Variants in NFATC2 observed in about 807,000 individuals in gnomAD.
The protein encoded by NFATC2 is nuclear factor of activated T cells 2, also known as nuclear factor of activated T-cells, cytoplasmic 2.
Under a neutral mutation model 87.3 loss-of-function variants are expected in NFATC2, and 22 were observed. That is an observed-to-expected ratio of 0.25 (90% confidence interval 0.18 to 0.36). NFATC2 has a LOEUF of 0.36. Ranked by LOEUF, NFATC2 falls within the 10% of genes least tolerant of loss-of-function variation. NFATC2 has a pLI of 1.00. For missense variants in NFATC2, 1,149 were observed against 1,259.1 expected (o/e 0.91, Z 1.32); for synonymous variants, 565 against 542.2 (o/e 1.04, Z -0.58).
intron 9 of NFATC2, among the ~76,000 whole-genome samples, chr20:51,431,089 T>C (rs904007660): frequency 1.3e-5 from 2 of 152,218 alleles, no homozygotes; most frequent in Non-Finnish European, 2.9e-5. Flanking sequence ...CCATTCTCTA[T>C]ATGTGCTTAT....
At chr20:51,525,896 C>T (rs1191648508) in intron 1 of NFATC2, among the ~76,000 whole-genome samples, 3 of 151,748 alleles carry the variant, frequency 2.0e-5, no homozygotes, top group African/African-American at 7.3e-5. Flanking sequence ...AAGTCACTAA[C>T]GCAGCATGTG....
chr20:51,531,781 C>T (rs1236384346), intron 1 of NFATC2, among the ~76,000 whole-genome samples: 1 of 152,182 alleles, frequency 6.6e-6, no homozygotes, highest in Non-Finnish European at 1.5e-5. Flanking sequence ...ACAATCTTTT[C>T]GGTGACAATT....
rs142679686 is a variant in NFATC2 at position 51,502,852 on chromosome 20, G to C, written c.1332+13932C>G. On this transcript the variant is annotated intron_variant, in intron 3 of 10. Coordinates refer to ENST00000371564, the MANE Select transcript of NFATC2 (RefSeq NM_012340.5). ...CAAATAGGAACATGGGATTCACTTA[G>C]TAGAAACCTCAGTTTCATGGGAAGA... Among the ~76,000 whole-genome samples, 6 of 152,296 alleles carry C rather than the reference G, an allele frequency of 3.9e-5. No homozygotes were observed. In the East Asian group the frequency reaches 9.6e-4, roughly 24 times the overall value.
At chr20:51,419,188 G>A (rs1980514369) in intron 9 of NFATC2, among the ~76,000 whole-genome samples, 2 of 152,114 alleles carry the variant, frequency 1.3e-5, no homozygotes, top group Non-Finnish European at 2.9e-5. Context: ...TTTTGCAGCT[G>A]TTTTCTCATT....
At chr20:51,405,513 T>C (rs1031329173) in intron 9 of NFATC2, among the ~76,000 whole-genome samples, 3 of 152,190 alleles carry the variant, frequency 2.0e-5, no homozygotes, top group African/African-American at 4.8e-5. Context: ...AGGCAAGCTT[T>C]CATAGGCACT....
chr20:51,472,236 G>A (rs1232458442), intron 5 of NFATC2, among the ~76,000 whole-genome samples: 1 of 152,164 alleles, frequency 6.6e-6, no homozygotes, highest in Non-Finnish European at 1.5e-5. Context: ...GCCTGGATCA[G>A]AGAGTGAGAT....
chr20:51,398,795 G>GAAAAAAAAAATCACCTTTGAT, intron 9 of NFATC2, 65 bp from the exon 10 acceptor site: 1 of 1,112,682 alleles, frequency 9.0e-7, no homozygotes, highest in Non-Finnish European at 1.4e-6. Context: ...TCTCTCTTAC[G>GAAAAAAAAAATCACCTTTGAT]CTTCCAACTC....
rs1371374764 is a variant in NFATC2, at chr20:51,432,616, T to C, written c.2173A>G (p.Met725Val). Residue 725 changes from methionine to valine, a missense_variant, in exon 9 of 11, where the codon ATG becomes GTG. Met to Val is a conservative substitution (Grantham distance 21). Transcript: ENST00000371564. This position sits in a 1 kb window ranked among gnomAD's most constrained non-coding sequence, Gnocchi z 4.6. ...AESPSCLVATMAPCQQFRTGL... is the reference protein window; with the variant it reads ...AESPSCLVATVAPCQQFRTGL... ...GTGCGGAACTGCTGGCAGGGAGCCA[T>C]GGTGGCCACGAGGCAGGAGGGGGAC... The C allele has an allele frequency of 6.5e-7, 1 of 1,531,026 alleles. No individual in the cohort carries two copies. The highest frequency in any genetic ancestry group is 2.3e-5 in the East Asian group (1 of 44,022). The allele number at this position is 1,531,026 out of a possible 1,614,324, so 94.8% of individuals were successfully genotyped here. A position where few individuals can be genotyped will look rare whatever the true frequency, so the allele number is the denominator to read the frequency against.
intron 9 of NFATC2, among the ~76,000 whole-genome samples, chr20:51,430,087 G>C (rs1982469000): frequency 6.6e-6 from 1 of 152,150 alleles, no homozygotes; most frequent in Non-Finnish European, 1.5e-5. Context: ...GGGCCACTTG[G>C]ACACGGGTGC....
intron 6 of NFATC2, among the ~76,000 whole-genome samples, chr20:51,453,886 A>G (rs1465473107): frequency 6.6e-6 from 1 of 152,254 alleles, no homozygotes; most frequent in African/African-American, 2.4e-5. Flanking sequence ...ACTATCCAAA[A>G]TTCCACTGCT....
chr20:51,526,019 G>A (rs887821891), intron 1 of NFATC2, among the ~76,000 whole-genome samples: 7 of 150,540 alleles, frequency 4.6e-5, no homozygotes, highest in Admixed American at 2.0e-4. Flanking sequence ...GACGCCTTGG[G>A]TTCCCTCTGC....
At chr20:51,413,952 G>T (rs1314746725) in intron 9 of NFATC2, among the ~76,000 whole-genome samples, 5 of 152,146 alleles carry the variant, frequency 3.3e-5, no homozygotes, top group Admixed American at 6.5e-5. Context: ...AGAATGTCTG[G>T]TAAACAGTAA....
At chr20:51,528,522 A>C (rs960724700) in intron 1 of NFATC2, among the ~76,000 whole-genome samples, 3 of 152,158 alleles carry the variant, frequency 2.0e-5, no homozygotes, top group Admixed American at 1.3e-4. Context: ...ATGTACACAC[A>C]CAGACAGATG....
chr20:51,431,630 C>A (rs1480795683), intron 9 of NFATC2, among the ~76,000 whole-genome samples: 1 of 152,152 alleles, frequency 6.6e-6, no homozygotes, highest in Admixed American at 6.5e-5. Flanking sequence ...CCTCTCCCTC[C>A]CTCAAATATA....
intron 6 of NFATC2, among the ~76,000 whole-genome samples, chr20:51,441,116 C>T (rs933132769): frequency 6.6e-6 from 1 of 151,954 alleles, no homozygotes; most frequent in Non-Finnish European, 1.5e-5. Flanking sequence ...AACCCGATCT[C>T]TACTACAAAT....
chr20:51,446,927 C>T (rs773607700), intron 6 of NFATC2, among the ~76,000 whole-genome samples: 16 of 152,156 alleles, frequency 1.1e-4, no homozygotes, highest in Non-Finnish European at 1.8e-4. Flanking sequence ...CAGAGGGAAG[C>T]CCCATCTAGA....
chr20:51,477,981 C>T (rs1188129871), intron 3 of NFATC2, among the ~76,000 whole-genome samples: 1 of 152,178 alleles, frequency 6.6e-6, no homozygotes, highest in Non-Finnish European at 1.5e-5. Context: ...GAACAAACAG[C>T]ACAGACACAG....
At chr20:51,398,202 C>T (rs961876830) in intron 10 of NFATC2, among the ~76,000 whole-genome samples, 13 of 152,150 alleles carry the variant, frequency 8.5e-5, no homozygotes, top group Non-Finnish European at 1.8e-4. Context: ...GACCTAAGCA[C>T]AGGGCGGGGC....
At chr20:51,474,183 C>T in intron 4 of NFATC2, 31 bp from the exon 5 acceptor site, 1 of 1,608,802 alleles carries the variant, frequency 6.2e-7, no homozygotes. Context: ...CCATTGTCAC[C>T]AACTACCTTC....
Sources: allele counts gnomAD v4.1 joint callset (sites outside exome capture counted in the v4.1 genomes callset), GRCh38; gene constraint gnomAD v4.1.1; non-coding constraint Gnocchi (gnomAD v3.1); transcripts MANE v1.5; gene names NCBI Gene and HGNC (gene_info 2026-07-23, HGNC 2026-07-21).